The following OSBPL8 variants were observed in gnomAD, a reference collection of about 807,000 sequenced individuals.
OSBPL8 encodes the protein oxysterol-binding protein-related protein 8.
In OSBPL8, 59 loss-of-function variants were observed where a neutral mutation model predicts 125.5. That is an observed-to-expected ratio of 0.47 (90% CI 0.38 to 0.58). OSBPL8 has a LOEUF of 0.58. Ranked by LOEUF, OSBPL8 falls within the 20% of genes least tolerant of loss-of-function variation. OSBPL8 has a pLI of 0.00. For missense variants in OSBPL8, 758 were observed against 1,047.8 expected (o/e 0.72, Z 3.82); for synonymous variants, 330 against 338.9 (o/e 0.97, Z 0.29).
At chr12:76,416,526 T>C (rs1007166573) in intron 4 of OSBPL8, among the ~76,000 whole-genome samples, 3 of 152,086 alleles carry the variant, frequency 2.0e-5, no homozygotes, top group Non-Finnish European at 4.4e-5. Flanking sequence ...ATTTATCTAG[T>C]TTCCATGTTG....
At chr12:76,513,982 G>C (rs1881277442) in intron 1 of OSBPL8, among the ~76,000 whole-genome samples, 1 of 151,870 alleles carries the variant, frequency 6.6e-6, no homozygotes. Flanking sequence ...TTATTATGTT[G>C]GCTTGTTTGT....
intron 1 of OSBPL8, among the ~76,000 whole-genome samples, chr12:76,554,930 G>A (rs959654451): frequency 2.0e-5 from 3 of 152,136 alleles, no homozygotes. Flanking sequence ...ACAAAGGACA[G>A]ACTGCTCCAT....
chr12:76,385,091 G>A (rs1592573986), intron 14 of OSBPL8, among the ~76,000 whole-genome samples: 1 of 152,080 alleles, frequency 6.6e-6, no homozygotes, highest in African/African-American at 2.4e-5. Flanking sequence ...TACTTCTAAT[G>A]TTCTCTTACA....
chr12:76,490,924 C>T (rs564827903), intron 1 of OSBPL8, among the ~76,000 whole-genome samples: 1 of 152,362 alleles, frequency 6.6e-6, no homozygotes, highest in South Asian at 2.1e-4. Context: ...CTGCCAGTGC[C>T]CAAAAGCACT....
At chr12:76,432,876 CAG>C (rs1871010561) in intron 4 of OSBPL8, among the ~76,000 whole-genome samples, 3 of 152,188 alleles carry the variant, frequency 2.0e-5, no homozygotes, top group South Asian at 4.1e-4. Context: ...TATTGGCAAA[CAG>C]AATTCAACAG....
chr12:76,454,798 T>C (rs1873826694), intron 3 of OSBPL8, among the ~76,000 whole-genome samples: 1 of 151,064 alleles, frequency 6.6e-6, no homozygotes, highest in Non-Finnish European at 1.5e-5. Flanking sequence ...GACACCATTC[T>C]TTTAAAATTG....
At chr12:76,428,161 A>T (rs1341489652) in intron 4 of OSBPL8, among the ~76,000 whole-genome samples, 2 of 152,108 alleles carry the variant, frequency 1.3e-5, no homozygotes, top group African/African-American at 4.8e-5. Context: ...GAAGAGACCA[A>T]CTACATATAT....
chr12:76,556,379 A>C (rs1951099625), intron 1 of OSBPL8, among the ~76,000 whole-genome samples: 1 of 152,198 alleles, frequency 6.6e-6, no homozygotes, highest in Admixed American at 6.5e-5. Context: ...AACACTTTTC[A>C]GGAAGAAAAA....
intron 1 of OSBPL8, among the ~76,000 whole-genome samples, chr12:76,554,506 C>T (rs1951038343): frequency 6.6e-6 from 1 of 152,110 alleles, no homozygotes; most frequent in Non-Finnish European, 1.5e-5. Flanking sequence ...AGGTTTAGTT[C>T]AAATCCTGGC....
intron 1 of OSBPL8, among the ~76,000 whole-genome samples, chr12:76,534,855 G>C (rs1021231087): frequency 7.0e-4 from 106 of 152,162 alleles, no homozygotes; most frequent in African/African-American, 2.4e-3. Context: ...CCCATAAACA[G>C]AGTCAATTAA....
chr12:76,528,252 G>T (rs533533264), intron 1 of OSBPL8, among the ~76,000 whole-genome samples: 1 of 151,470 alleles, frequency 6.6e-6, no homozygotes, highest in Non-Finnish European at 1.5e-5. Flanking sequence ...ACTGGGACCT[G>T]GGAGGCGGAG....
chr12:76,369,628 G>C lies in OSBPL8; in HGVS notation c.2240+9C>G. 6.2e-7 allele frequency: 1 copy of C among 1,608,246 alleles called. No individual in the cohort carries two copies. Among genetic ancestry groups the C allele is most frequent in the Non-Finnish European group, 8.5e-7 (1 of 1,175,416 alleles). The stretch of plus-strand genomic sequence containing the variant: ...CATTGTTTGAAATAAACTATTTTAA[G>C]TTACTTACTCTGCAAACTTGTAATG... On this transcript the variant is annotated intron_variant, in intron 20 of 23. Transcript: ENST00000261183.
intron 1 of OSBPL8, among the ~76,000 whole-genome samples, chr12:76,506,617 C>A (rs542092147): frequency 3.3e-5 from 5 of 151,970 alleles, no homozygotes; most frequent in Admixed American, 2.6e-4. Context: ...AAGACATACA[C>A]AAAATAAAAA....
chr12:76,481,691 T>C (rs1877511621), intron 2 of OSBPL8, among the ~76,000 whole-genome samples: 1 of 152,184 alleles, frequency 6.6e-6, no homozygotes, highest in African/African-American at 2.4e-5. Context: ...CTATCACTAA[T>C]ACCACATAAT....
rs900213095 is a variant in OSBPL8, at chr12:76,354,068, A to C, written c.*1821T>G. Reference sequence around the variant, plus strand: ...TATGTAATTAACTAATTTAAACCATAAAAAAGATCAAATTGTACAATATTT... The same window carrying C: ...TATGTAATTAACTAATTTAAACCATCAAAAAGATCAAATTGTACAATATTT... On this transcript the variant is annotated 3_prime_UTR_variant, in exon 24 of 24. Coordinates refer to ENST00000261183, the MANE Select transcript of OSBPL8 (RefSeq NM_020841.5). 19 of 152,494 alleles carry C rather than the reference A, an allele frequency of 1.2e-4. No homozygotes were observed. Among genetic ancestry groups the C allele is most frequent in the African/African-American group, 3.8e-4 (16 of 41,572 alleles). 9.4% of individuals were successfully genotyped at this position (152,494 alleles called of 1,614,324 possible).
At chr12:76,555,195 T>C (rs1951056943) in intron 1 of OSBPL8, among the ~76,000 whole-genome samples, 2 of 152,166 alleles carry the variant, frequency 1.3e-5, no homozygotes, top group South Asian at 4.1e-4. Context: ...ATCACAACAA[T>C]GAATAGATAA....
intron 4 of OSBPL8, among the ~76,000 whole-genome samples, chr12:76,417,917 AC>A (rs1396490685): frequency 6.6e-6 from 1 of 151,644 alleles, no homozygotes; most frequent in Non-Finnish European, 1.5e-5. Flanking sequence ...TGACTTGTGT[AC>A]TAATTGCTGA....
chr12:76,513,002 T>A (rs1226749782), intron 1 of OSBPL8, among the ~76,000 whole-genome samples: 1 of 152,248 alleles, frequency 6.6e-6, no homozygotes, highest in Non-Finnish European at 1.5e-5. Flanking sequence ...TGTATAGGAA[T>A]GCCACTGATA....
chr12:76,513,322 T>G (rs1266922764), intron 1 of OSBPL8, among the ~76,000 whole-genome samples: 1 of 152,254 alleles, frequency 6.6e-6, no homozygotes, highest in Non-Finnish European at 1.5e-5. Flanking sequence ...CGTTTGCATT[T>G]GCTAAGGATT....
Sources: allele counts gnomAD v4.1 joint callset (sites outside exome capture counted in the v4.1 genomes callset), GRCh38; gene constraint gnomAD v4.1.1; transcripts MANE v1.5; gene names NCBI Gene and HGNC (gene_info 2026-07-23, HGNC 2026-07-21).